Variants in ZNF345 observed in about 807,000 individuals in gnomAD.
ZNF345 encodes the protein zinc finger protein 345, also known as zinc finger protein HZF10.
For missense variants in ZNF345, 527 were observed against 589.9 expected (o/e 0.89, Z 1.10); for synonymous variants, 166 against 187.9 (o/e 0.88, Z 0.95).
intron 3 of ZNF345, chr19:36,891,830 C>T (rs1286058511): frequency 1.2e-6 from 2 of 1,614,110 alleles, no homozygotes; most frequent in East Asian, 2.2e-5. Context: ...TAAGGTTTCT[C>T]ACCAGTATGC....
intron 3 of ZNF345, among the ~76,000 whole-genome samples, chr19:36,886,349 T>C (rs1476105745): frequency 1.1e-4 from 16 of 152,150 alleles, no homozygotes; most frequent in Admixed American, 9.8e-4. Context: ...AAACACTCCC[T>C]CACTCAGGTG....
intron 2 of ZNF345, among the ~76,000 whole-genome samples, chr19:36,852,675 T>G (rs956682181): frequency 3.3e-5 from 5 of 151,924 alleles, no homozygotes; most frequent in African/African-American, 7.3e-5. Flanking sequence ...ATTGCCAAAC[T>G]GTTCTCTAAA....
At chr19:36,873,904 C>G (rs956482435) in intron 2 of ZNF345, among the ~76,000 whole-genome samples, 1 of 152,060 alleles carries the variant, frequency 6.6e-6, no homozygotes. Flanking sequence ...ATTTTCATGT[C>G]TTGGCTATTG....
intron 2 of ZNF345, among the ~76,000 whole-genome samples, chr19:36,855,560 C>T (rs898416816): frequency 2.0e-4 from 28 of 142,778 alleles, no homozygotes; most frequent in African/African-American, 6.5e-4. Context: ...TCAAGTGATT[C>T]TCCTGCTTCA....
intron 2 of ZNF345, among the ~76,000 whole-genome samples, chr19:36,855,236 G>A (rs140583778): frequency 0.018 from 2,529 of 138,856 alleles, 38 homozygotes; most frequent in Middle Eastern, 0.077. Flanking sequence ...TCCGCCTCCC[G>A]GGTTCACGCC....
intron 2 of ZNF345, chr19:36,854,565 C>T (rs1225098600): frequency 6.6e-6 from 1 of 152,194 alleles, no homozygotes; most frequent in African/African-American, 2.4e-5. Flanking sequence ...TTACTGGTAA[C>T]AGTGCCTGAG....
chr19:36,868,708 C>T (rs780256367), intron 2 of ZNF345, among the ~76,000 whole-genome samples: 15 of 151,204 alleles, frequency 9.9e-5, no homozygotes, highest in Non-Finnish European at 1.9e-4. Context: ...TCACTGCAAC[C>T]TCCGCTTCCT....
At chr19:36,883,470 C>T (rs1355970971), downstream of ZNF345, among the ~76,000 whole-genome samples, 2 of 152,186 alleles carry the variant, frequency 1.3e-5, no homozygotes, top group Non-Finnish European at 2.9e-5. Context: ...TCACTACGTT[C>T]AGTAGCCTTC....
chr19:36,862,663 CAAAAAA>C (rs753670661), intron 2 of ZNF345, among the ~76,000 whole-genome samples: 1 of 39,964 alleles, frequency 2.5e-5, no homozygotes, highest in Non-Finnish European at 5.6e-5. Context: ...GACCCAGTCT[CAAAAAA>C]AAAAAAAAAA....
rs2146205455 is a variant in ZNF345, at chr19:36,877,469, T to C, written c.639T>C (p.Ser213=). The C allele has an allele frequency of 6.2e-7, 1 of 1,614,140 alleles. No individual in the cohort carries two copies. Among genetic ancestry groups the C allele is most frequent in the East Asian group, 2.2e-5 (1 of 44,862 alleles). ...ECIDCGKAFG[S]GSNLTQHRRI... ...TAGATTGTGGTAAAGCCTTTGGCAG[T>C]GGTTCAAACCTTACTCAACATCGGC... is the stretch of plus-strand genomic sequence containing the variant. Residue 213 remains serine (S), a synonymous_variant, in exon 3 of 3, where the codon AGT becomes AGC. Transcript: ENST00000420450.
chr19:36,862,663 C>CA (rs753670661), intron 2 of ZNF345, among the ~76,000 whole-genome samples: 3,067 of 36,854 alleles, frequency 0.083, 134 homozygotes, highest in African/African-American at 0.14. Context: ...GACCCAGTCT[C>CA]AAAAAAAAAA....
intron 2 of ZNF345, among the ~76,000 whole-genome samples, chr19:36,858,803 C>G (rs2072480604): frequency 6.6e-6 from 1 of 152,038 alleles, no homozygotes. Context: ...AAAAGCTACC[C>G]AAGTGATTCT....
rs372161359 is a variant in ZNF345, at chr19:36,877,627, C to T, written c.797C>T (p.Ala266Val). 1.4e-5 allele frequency: 23 copies of T among 1,613,828 alleles called. No homozygotes were observed. In the African/African-American group the frequency reaches 2.9e-4, roughly 21 times the overall value. ...KPYICNECGK[A>V]FSFGSALTRH... ...TATATATGTAATGAATGTGGTAAGGCCTTTAGTTTTGGATCAGCCCTTACT... is the reference window on the plus strand; with the variant it reads ...TATATATGTAATGAATGTGGTAAGGTCTTTAGTTTTGGATCAGCCCTTACT... The change falls in exon 3 of 3, where the codon GCC becomes GTC. Residue 266 changes from alanine to valine, a missense_variant. Ala to Val is a moderately conservative substitution (Grantham distance 64). Transcript: ENST00000420450.
At chr19:36,871,939 G>A (rs964095458) in intron 2 of ZNF345, among the ~76,000 whole-genome samples, 4 of 151,870 alleles carry the variant, frequency 2.6e-5, no homozygotes, top group Admixed American at 2.0e-4. Flanking sequence ...GGCTAATTTT[G>A]TATTTTTAGT....
At chr19:36,861,916 C>T (rs2072556715) in intron 2 of ZNF345, among the ~76,000 whole-genome samples, 1 of 147,500 alleles carries the variant, frequency 6.8e-6, no homozygotes, top group African/African-American at 2.5e-5. Flanking sequence ...GGCTGCAGTG[C>T]AGTGGCATGA....
At chr19:36,892,117 GA>G in intron 3 of ZNF345, 1 of 1,614,010 alleles carries the variant, frequency 6.2e-7, no homozygotes, top group Non-Finnish European at 8.5e-7. Flanking sequence ...AGAAAAATAT[GA>G]ACTACAACTA....
At chr19:36,861,361 A>T (rs1182053915) in intron 2 of ZNF345, among the ~76,000 whole-genome samples, 2 of 152,186 alleles carry the variant, frequency 1.3e-5, no homozygotes, top group African/African-American at 4.8e-5. Context: ...CATTCTTGTC[A>T]CAACCTGTTC....
intron 2 of ZNF345, among the ~76,000 whole-genome samples, chr19:36,857,823 G>A (rs962495633): frequency 2.6e-5 from 4 of 151,850 alleles, no homozygotes; most frequent in Admixed American, 1.3e-4. Context: ...TTGTCACCCC[G>A]GCTGGAGTGC....
chr19:36,859,512 A>G lies in ZNF345; in HGVS notation c.-47+7608A>G, dbSNP rs183368788. Among the ~76,000 whole-genome samples, 7 of 148,300 alleles carry G rather than the reference A, an allele frequency of 4.7e-5. No homozygotes were observed. In the East Asian group the frequency reaches 1.2e-3, roughly 25 times the overall value. ...TTTTGTTTTTTTTTTTAATTTTGAG[A>G]TTCTTTTTTTGTGACATTGAATTCA... On this transcript the variant is annotated intron_variant, in intron 2 of 2. Transcript: ENST00000420450.
Sources: gnomAD v4.1 joint callset for allele counts (sites outside exome capture counted in the v4.1 genomes callset) on GRCh38, gnomAD v4.1.1 for gene constraint, MANE v1.5 for transcripts, NCBI Gene and HGNC (gene_info 2026-07-23, HGNC 2026-07-21) for gene names.